TOM1L2: variants seen among roughly 807,000 people sequenced by gnomAD.
TOM1L2 encodes the protein TOM1-like protein 2.
Under a neutral mutation model 67.9 loss-of-function variants are expected in TOM1L2, and 31 were observed. The ratio of observed to expected loss-of-function variants is 0.46; its 90% CI spans 0.34 to 0.62. TOM1L2 has a LOEUF of 0.62. Ranked by LOEUF, TOM1L2 falls within the 20% of genes least tolerant of loss-of-function variation. TOM1L2 has a pLI of 0.01. For missense variants in TOM1L2, 606 were observed against 663.5 expected (o/e 0.91, Z 0.95); for synonymous variants, 256 against 254.0 (o/e 1.01, Z -0.07).
chr17:17,907,379 G>A lies in TOM1L2; in HGVS notation c.137+68C>T, dbSNP rs113222208. On this transcript the variant is annotated intron_variant, in intron 2 of 14. Transcript: ENST00000379504. ...AAAAAATAAAACCTGCCACCCTTAGGCCCTGACAAGCTTTGAGTGGCCCCT... is the reference window on the plus strand; with the variant it reads ...AAAAAATAAAACCTGCCACCCTTAGACCCTGACAAGCTTTGAGTGGCCCCT... 87 of 1,440,342 alleles carry A rather than the reference G, an allele frequency of 6.0e-5. No homozygotes were observed. In the African/African-American group the frequency reaches 8.4e-4, roughly 14 times the overall value. 89.2% of individuals were successfully genotyped at this position (1,440,342 alleles called of 1,614,324 possible).
chr17:17,952,371 ATTTTCTTTTTTT>A (rs1568367571), intron 1 of TOM1L2, among the ~76,000 whole-genome samples: 1 of 31,122 alleles, frequency 3.2e-5, no homozygotes, highest in African/African-American at 1.4e-4. Context: ...GTGCTTCTTT[ATTTTCTTTTTTT>A]TTTTTTTTTT....
chr17:17,922,476 G>A (rs892481479), intron 1 of TOM1L2, among the ~76,000 whole-genome samples: 3 of 152,198 alleles, frequency 2.0e-5, no homozygotes, highest in Non-Finnish European at 4.4e-5. Flanking sequence ...GTGGAGTGGA[G>A]AGACTGCAGG....
At chr17:17,933,485 T>A (rs2040409863) in intron 1 of TOM1L2, among the ~76,000 whole-genome samples, 1 of 152,208 alleles carries the variant, frequency 6.6e-6, no homozygotes. Context: ...CAGTGTCTAC[T>A]GCAATTACAG....
intron 7 of TOM1L2, among the ~76,000 whole-genome samples, chr17:17,870,567 G>C (rs1041775901): frequency 6.6e-6 from 1 of 152,172 alleles, no homozygotes; most frequent in Admixed American, 6.5e-5. Context: ...GAGTTAAGGG[G>C]ATAAGACATG....
chr17:17,861,578 G>A, intron 11 of TOM1L2, 27 bp from the exon 12 acceptor site: 1 of 1,610,770 alleles, frequency 6.2e-7, no homozygotes, highest in South Asian at 1.1e-5. Context: ...AGCACAAGCA[G>A]AGTTCATTTT....
intron 2 of TOM1L2, among the ~76,000 whole-genome samples, chr17:17,906,639 C>T (rs1204658527): frequency 6.6e-6 from 1 of 152,168 alleles, no homozygotes; most frequent in Non-Finnish European, 1.5e-5. Flanking sequence ...ACAATAGGGC[C>T]TGGCACAAGG....
chr17:17,874,508 T>G (rs1386618030), intron 7 of TOM1L2, among the ~76,000 whole-genome samples: 1 of 152,170 alleles, frequency 6.6e-6, no homozygotes, highest in Non-Finnish European at 1.5e-5. Flanking sequence ...TGACCTCAAG[T>G]GATCCACTTG....
intron 1 of TOM1L2, among the ~76,000 whole-genome samples, chr17:17,944,772 C>A (rs2040873742): frequency 6.6e-6 from 1 of 152,212 alleles, no homozygotes; most frequent in African/African-American, 2.4e-5. Context: ...GGCGGGGAAA[C>A]AGGAGGTCCG....
At chr17:17,899,164 T>C (rs8078811) in intron 2 of TOM1L2, among the ~76,000 whole-genome samples, 3,694 of 152,326 alleles carry the variant, frequency 0.024, 133 homozygotes, top group African/African-American at 0.073. Flanking sequence ...GCAAGTATTA[T>C]TTATTCAAAA....
At chr17:17,876,112 T>G (rs1245343384) in intron 7 of TOM1L2, among the ~76,000 whole-genome samples, 2 of 152,196 alleles carry the variant, frequency 1.3e-5, no homozygotes, top group African/African-American at 2.4e-5. Flanking sequence ...AAGGCTAAAT[T>G]GGGAGAGACA....
chr17:17,849,357 G>T (rs575914792), intron 13 of TOM1L2, among the ~76,000 whole-genome samples: 64 of 152,326 alleles, frequency 4.2e-4, no homozygotes, highest in African/African-American at 1.4e-3. Flanking sequence ...GGCCTTGATG[G>T]CTCAGGGCCA....
chr17:17,896,936 G>A (rs1163243766), intron 3 of TOM1L2, among the ~76,000 whole-genome samples: 1 of 152,192 alleles, frequency 6.6e-6, no homozygotes, highest in Non-Finnish European at 1.5e-5. Flanking sequence ...TGCAAAGCGC[G>A]CTAGGATGGG....
chr17:17,916,165 C>T (rs532272097), intron 1 of TOM1L2, among the ~76,000 whole-genome samples: 65 of 151,916 alleles, frequency 4.3e-4, no homozygotes. Context: ...GCTCTACCTC[C>T]TGGGTTCACG....
At chr17:17,957,705 AC>A (rs2041515848) in intron 1 of TOM1L2, among the ~76,000 whole-genome samples, 1 of 151,958 alleles carries the variant, frequency 6.6e-6, no homozygotes, top group Non-Finnish European at 1.5e-5. Context: ...GCATGTATTT[AC>A]ATGTGTGTAT....
intron 1 of TOM1L2, among the ~76,000 whole-genome samples, chr17:17,926,069 G>A (rs1355668763): frequency 5.9e-5 from 9 of 151,848 alleles, no homozygotes; most frequent in Middle Eastern, 3.4e-3. Flanking sequence ...TACTCCACAG[G>A]CTGAGGTGAG....
rs2035798575 is a variant in TOM1L2 at position 17,848,805 on chromosome 17, C to T, written c.1375+18G>A. 1.2e-6 allele frequency: 2 copies of T among 1,613,798 alleles called. No homozygotes were observed. Among genetic ancestry groups the T allele is most frequent in the Admixed American group, 1.7e-5 (1 of 60,000 alleles). On this transcript the variant is annotated intron_variant, in intron 14 of 14. Coordinates refer to ENST00000379504, the MANE Select transcript of TOM1L2 (RefSeq NM_001082968.2). The stretch of plus-strand genomic sequence containing the variant: ...GAGGCAACAAAAGGGGGCTGTAAGG[C>T]CACTGGCCAGGCCATACCTTCACTT...
At chr17:17,888,231 C>T (rs1305391290) in intron 4 of TOM1L2, among the ~76,000 whole-genome samples, 3 of 152,116 alleles carry the variant, frequency 2.0e-5, no homozygotes, top group Admixed American at 1.3e-4. Context: ...CCTGTGGCTA[C>T]AAGATTAGGG....
chr17:17,950,350 G>A (rs1464386554), intron 1 of TOM1L2, among the ~76,000 whole-genome samples: 2 of 151,552 alleles, frequency 1.3e-5, no homozygotes, highest in South Asian at 2.1e-4. Flanking sequence ...GTAGAGACAG[G>A]GTTTTACCAA....
At chr17:17,880,721 C>T (rs1449567247) in intron 6 of TOM1L2, among the ~76,000 whole-genome samples, 1 of 152,216 alleles carries the variant, frequency 6.6e-6, no homozygotes. Context: ...TTCGTTTCCT[C>T]ACCTACAGAA....
Sources: gnomAD v4.1 joint callset for allele counts (sites outside exome capture counted in the v4.1 genomes callset) on GRCh38, gnomAD v4.1.1 for gene constraint, MANE v1.5 for transcripts, NCBI Gene and HGNC (gene_info 2026-07-23, HGNC 2026-07-21) for gene names.